SYN3: variants seen among roughly 807,000 people sequenced by gnomAD.
SYN3 encodes synapsin-3.
SYN3 carries 35 observed loss-of-function variants against 65.8 expected under a neutral mutation model. The observed-to-expected ratio is 0.53, with a 90% CI of 0.41 to 0.70. SYN3 has a LOEUF of 0.70. Ranked by LOEUF, SYN3 falls within the 30% of genes least tolerant of loss-of-function variation. The pLI, the probability that SYN3 is intolerant of heterozygous loss-of-function variation, is 0.00. For missense variants in SYN3, 680 were observed against 749.0 expected, an observed-to-expected ratio of 0.91 and a Z score of 1.08; for synonymous variants, 270 against 292.9, an observed-to-expected ratio of 0.92 and a Z score of 0.80.
At chr22:32,708,284 G>C (rs757985504) in intron 6 of SYN3, among the ~76,000 whole-genome samples, 1 of 152,186 alleles carries the variant, frequency 6.6e-6, no homozygotes, top group African/African-American at 2.4e-5. Flanking sequence ...ATAATACAAA[G>C]CAGCTCAGAT....
At chr22:32,989,721 G>C (rs1025191756) in intron 2 of SYN3, among the ~76,000 whole-genome samples, 7 of 148,294 alleles carry the variant, frequency 4.7e-5, no homozygotes, top group Non-Finnish European at 1.1e-4. Flanking sequence ...TGTAATCCCA[G>C]CTACTCGGGA....
At chr22:32,986,149 C>T (rs544581025) in intron 2 of SYN3, among the ~76,000 whole-genome samples, 1 of 152,186 alleles carries the variant, frequency 6.6e-6, no homozygotes, top group South Asian at 2.1e-4. Flanking sequence ...AACAAATGTT[C>T]GCTGACCGGG....
At chr22:32,694,234 C>T (rs2147170343) in intron 6 of SYN3, among the ~76,000 whole-genome samples, 1 of 152,304 alleles carries the variant, frequency 6.6e-6, no homozygotes, top group Non-Finnish European at 1.5e-5. Context: ...TCTACATCCA[C>T]AGACTCTCGA....
chr22:32,651,689 G>A (rs921613117), intron 6 of SYN3, among the ~76,000 whole-genome samples: 4 of 152,106 alleles, frequency 2.6e-5, no homozygotes, highest in African/African-American at 4.8e-5. Flanking sequence ...ATCTCAGTTC[G>A]CCATGTTCCT....
At chr22:32,860,352 T>G (rs1477431733) in intron 6 of SYN3, 2 of 152,664 alleles carry the variant, frequency 1.3e-5, no homozygotes, top group African/African-American at 4.8e-5. Flanking sequence ...AGAATAGTGT[T>G]TAGCTCACCT....
intron 13 of SYN3, among the ~76,000 whole-genome samples, chr22:32,516,459 G>A (rs2057778236): frequency 6.6e-6 from 1 of 152,042 alleles, no homozygotes; most frequent in Non-Finnish European, 1.5e-5. Flanking sequence ...AGCCTCTCAG[G>A]TTCAAGCGAT....
chr22:32,957,484 C>T (rs767274728), intron 3 of SYN3, among the ~76,000 whole-genome samples: 11 of 152,114 alleles, frequency 7.2e-5, no homozygotes, highest in Non-Finnish European at 1.6e-4. Context: ...GTTAAAAGGG[C>T]CTCATGTGCT....
Position 32,924,696 on chromosome 22 carries a change from A to T in SYN3, c.461+6694T>A, listed in dbSNP as rs553967950. ...ATTAAATTTCAAGAGGCACTGCTATATTCATTTTCTAGGGCTGCTGTAGCA... is the reference window on the plus strand; with the variant it reads ...ATTAAATTTCAAGAGGCACTGCTATTTTCATTTTCTAGGGCTGCTGTAGCA... On this transcript the variant is annotated intron_variant, in intron 4 of 13. Transcript: ENST00000358763. Among the ~76,000 whole-genome samples, 185 of 152,336 alleles carry T rather than the reference A, an allele frequency of 1.2e-3. 1 individual carries two copies. Among genetic ancestry groups the T allele is most frequent in the African/African-American group, 4.3e-3 (179 of 41,572 alleles).
At chr22:32,822,354 G>A (rs2047274403) in intron 6 of SYN3, among the ~76,000 whole-genome samples, 1 of 152,090 alleles carries the variant, frequency 6.6e-6, no homozygotes, top group African/African-American at 2.4e-5. Context: ...TCCAGATGAT[G>A]TCCCTGGACT....
intron 3 of SYN3, among the ~76,000 whole-genome samples, chr22:32,953,067 A>G (rs1448918223): frequency 6.6e-6 from 1 of 152,224 alleles, no homozygotes. Context: ...GGTTATACTA[A>G]TTAATTTGAT....
intron 6 of SYN3, among the ~76,000 whole-genome samples, chr22:32,830,778 C>T (rs878813): frequency 0.031 from 4,670 of 152,182 alleles, 258 homozygotes; most frequent in African/African-American, 0.11. Context: ...TGAGTGTATC[C>T]GCCTCACGCT....
intron 6 of SYN3, among the ~76,000 whole-genome samples, chr22:32,709,497 A>C (rs539269099): frequency 1.3e-5 from 2 of 152,342 alleles, no homozygotes; most frequent in East Asian, 3.9e-4. Context: ...GGAAAATAGA[A>C]ACTTTTTTGA....
intron 12 of SYN3, among the ~76,000 whole-genome samples, chr22:32,524,015 T>A (rs1036612565): frequency 1.3e-5 from 2 of 152,218 alleles, no homozygotes; most frequent in Admixed American, 1.3e-4. Context: ...AGGCCCTAAC[T>A]ACTTTCAATC....
At chr22:32,797,043 T>C (rs1373687541) in intron 6 of SYN3, among the ~76,000 whole-genome samples, 2 of 152,034 alleles carry the variant, frequency 1.3e-5, no homozygotes, top group African/African-American at 4.8e-5. Context: ...AGGGGTGAGC[T>C]TCACCCACTC....
chr22:32,554,291 A>G (rs4327315), intron 7 of SYN3, among the ~76,000 whole-genome samples: 9,414 of 152,132 alleles, frequency 0.062, 379 homozygotes, highest in Non-Finnish European at 0.099. Context: ...TGGTCCCTCA[A>G]TACGGGCTTT....
chr22:32,616,740 A>G (rs2059525989), intron 6 of SYN3, among the ~76,000 whole-genome samples: 1 of 152,206 alleles, frequency 6.6e-6, no homozygotes, highest in South Asian at 2.1e-4. Flanking sequence ...AAATATCAAC[A>G]TTCAGGAGAA....
At chr22:32,709,374 A>G (rs2060925184) in intron 6 of SYN3, among the ~76,000 whole-genome samples, 1 of 152,252 alleles carries the variant, frequency 6.6e-6, no homozygotes, top group Non-Finnish European at 1.5e-5. Context: ...TAAACGTAAT[A>G]CAGATGAAAT....
chr22:32,943,394 G>T lies in SYN3; in HGVS notation c.370-11913C>A, dbSNP rs564224741. Among the ~76,000 whole-genome samples the T allele has an allele frequency of 4.5e-4, 69 of 152,306 alleles. 1 individual carries two copies. The South Asian group carries it at 0.014, about 31-fold the overall frequency. ...TAAAATACTTTACAGACAAGCAAAT[G>T]CTGAGAGATTTTGTCACCATCAGGC... On this transcript the variant is annotated intron_variant, in intron 3 of 13. Coordinates refer to ENST00000358763, the MANE Select transcript of SYN3 (RefSeq NM_003490.4).
intron 6 of SYN3, among the ~76,000 whole-genome samples, chr22:32,755,288 G>T (rs1384090313): frequency 6.6e-6 from 1 of 152,190 alleles, no homozygotes; most frequent in African/African-American, 2.4e-5. Flanking sequence ...GCATCTCCAG[G>T]TTCAAAACAG....
Sources: gnomAD v4.1 joint callset for allele counts (sites outside exome capture counted in the v4.1 genomes callset) on GRCh38, gnomAD v4.1.1 for gene constraint, MANE v1.5 for transcripts, NCBI Gene and HGNC (gene_info 2026-07-23, HGNC 2026-07-21) for gene names.